Variants in TM2D1 observed in about 807,000 individuals in gnomAD.
TM2D1 encodes the protein TM2 domain containing 1.
In TM2D1, 15 loss-of-function variants were observed where a neutral mutation model predicts 28.4. That is an observed-to-expected ratio of 0.53 (90% CI 0.35 to 0.81). TM2D1 has a LOEUF of 0.81. Among genes scored for constraint, TM2D1 ranks in the 40% least tolerant of loss-of-function variants. TM2D1 has a pLI of 0.01. For synonymous variants in TM2D1, 93 were observed against 96.2 expected (o/e 0.97, Z 0.20); for missense variants, 236 against 254.9 (o/e 0.93, Z 0.50).
In TM2D1 at chr1:61,710,139, T is replaced by C. The variant is rs78777079; in HGVS notation, c.239-702A>G. Among the ~76,000 whole-genome samples the C allele has an allele frequency of 3.9e-3, 596 of 152,158 alleles. 2 individuals are homozygous for C. Among genetic ancestry groups the C allele is most frequent in the African/African-American group, 0.014 (568 of 41,518 alleles). ...TCCTTTCAGAACCTTCGATTCTTTG[T>C]AGGTAAAAATAGTACCAAAGGGCCA... is the stretch of plus-strand genomic sequence containing the variant. On this transcript the variant is annotated intron_variant, in intron 2 of 6. Transcript: ENST00000606498.
intron 3 of TM2D1, among the ~76,000 whole-genome samples, chr1:61,706,472 A>G (rs1644441295): frequency 6.6e-6 from 1 of 150,798 alleles, no homozygotes; most frequent in Non-Finnish European, 1.5e-5. Context: ...TGCTGGGATT[A>G]CAGGTGTGAG....
intron 2 of TM2D1, among the ~76,000 whole-genome samples, chr1:61,723,290 T>G (rs548844233): frequency 1.3e-5 from 2 of 152,216 alleles, no homozygotes; most frequent in Non-Finnish European, 2.9e-5. Context: ...AAAGGACTTG[T>G]AGGTATTATG....
In TM2D1 at chr1:61,725,140, TC is replaced by T; in HGVS notation, c.-21del. The T allele has an allele frequency of 6.2e-7, 1 of 1,613,194 alleles. No homozygotes were observed. The highest frequency in any genetic ancestry group is 8.5e-7 in the Non-Finnish European group (1 of 1,179,720). ...CGCCATCTTGGAGACCGACACTTTC[TC>T]GCCACTTCCGCTTCCGCCTCCGCCC... On this transcript the variant is annotated 5_prime_UTR_variant, in exon 1 of 7. Coordinates refer to ENST00000606498, the MANE Select transcript of TM2D1 (RefSeq NM_032027.3).
At chr1:61,695,247 A>C (rs1470322272) in intron 4 of TM2D1, among the ~76,000 whole-genome samples, 2 of 152,100 alleles carry the variant, frequency 1.3e-5, no homozygotes, top group South Asian at 2.1e-4. Context: ...AAATTGCAAA[A>C]TTTTATTAGC....
chr1:61,723,397 T>C (rs1004914237), intron 2 of TM2D1, among the ~76,000 whole-genome samples: 11 of 152,206 alleles, frequency 7.2e-5, no homozygotes, highest in African/African-American at 2.4e-4. Flanking sequence ...GGGAATGATA[T>C]GCTTATTAAT....
At chr1:61,686,662 C>G (rs769786698) in intron 5 of TM2D1, 61 of 408,516 alleles carry the variant, frequency 1.5e-4, no homozygotes, top group Middle Eastern at 1.2e-3. Flanking sequence ...GAGGCTCTAT[C>G]TCAAAGAAAA....
chr1:61,708,949 C>T (rs1644458631), intron 3 of TM2D1, among the ~76,000 whole-genome samples: 1 of 151,864 alleles, frequency 6.6e-6, no homozygotes, highest in Admixed American at 6.6e-5. Context: ...AGAATCATGT[C>T]AGGCCAGGAG....
In TM2D1 at chr1:61,685,825, A is replaced by G. The variant is rs145943527; in HGVS notation, c.514-2279T>C. Among the ~76,000 whole-genome samples, 499 of 152,304 alleles carry G rather than the reference A, an allele frequency of 3.3e-3. 1 individual carries two copies. The highest frequency in any genetic ancestry group is 5.5e-3 in the Admixed American group (84 of 15,282). ...TTGAGACCAGCATGGGCAAAAAAGC[A>G]AGAACTTTGCCTCTACCAAAAAAAA... is the stretch of plus-strand genomic sequence containing the variant. On this transcript the variant is annotated intron_variant, in intron 5 of 6. Transcript: ENST00000606498.
chr1:61,708,989 G>C (rs1186599206), intron 3 of TM2D1, among the ~76,000 whole-genome samples: 2 of 151,986 alleles, frequency 1.3e-5, no homozygotes, highest in African/African-American at 4.8e-5. Context: ...AACATAGAGA[G>C]ATCTCATCTC....
At chr1:61,694,168 G>A (rs1409512847) in intron 5 of TM2D1, 1 of 151,880 alleles carries the variant, frequency 6.6e-6, no homozygotes, top group Non-Finnish European at 1.5e-5. Flanking sequence ...TAAGCTAGCT[G>A]GATTTCAGTT....
intron 2 of TM2D1, among the ~76,000 whole-genome samples, chr1:61,713,542 G>T (rs1029058728): frequency 3.3e-5 from 5 of 149,388 alleles, no homozygotes; most frequent in Non-Finnish European, 7.4e-5. Flanking sequence ...ATAAACACAG[G>T]TTTTTTTTCT....
At chr1:61,722,801 AG>A (rs1644578152) in intron 2 of TM2D1, among the ~76,000 whole-genome samples, 2 of 152,328 alleles carry the variant, frequency 1.3e-5, no homozygotes, top group Admixed American at 1.3e-4. Flanking sequence ...CATAAAGAAG[AG>A]TTAGTTCTCA....
At chr1:61,697,736 C>T (rs1644374181) in intron 4 of TM2D1, 1 of 152,188 alleles carries the variant, frequency 6.6e-6, no homozygotes, top group African/African-American at 2.4e-5. Flanking sequence ...CTTGTCTCTC[C>T]TTGCCCCCGT....
chr1:61,683,218 CAA>C, intron 6 of TM2D1, 197 bp downstream of exon 6: 1 of 247,992 alleles, frequency 4.0e-6, no homozygotes, highest in Non-Finnish European at 7.6e-6. Context: ...ATATGCACTG[CAA>C]AGAGTCTGAA....
In TM2D1 at chr1:61,714,886, C is replaced by A. The variant is rs1644505453; in HGVS notation, c.239-5449G>T. Among the ~76,000 whole-genome samples, 5 of 152,108 alleles carry A rather than the reference C, an allele frequency of 3.3e-5. No homozygotes were observed. The South Asian group carries it at 1.0e-3, about 32-fold the overall frequency. ...CTAGATAGTACCAATTGTCCAAAAT[C>A]TCATATTTTGAGAGTTTTAGTTTTC... is the stretch of plus-strand genomic sequence containing the variant. On this transcript the variant is annotated intron_variant, in intron 2 of 6. Transcript: ENST00000606498.
At chr1:61,698,923 T>C (rs557893818) in intron 4 of TM2D1, 18 of 152,252 alleles carry the variant, frequency 1.2e-4, no homozygotes, top group South Asian at 6.2e-4. Context: ...ACTACTTTCA[T>C]TGCAGTCAAC....
chr1:61,699,739 T>G (rs1644388705), intron 4 of TM2D1: 1 of 152,732 alleles, frequency 6.5e-6, no homozygotes, highest in Non-Finnish European at 1.5e-5. Flanking sequence ...TAAATTGGCC[T>G]ACTAACATAT....
intron 5 of TM2D1, among the ~76,000 whole-genome samples, chr1:61,691,935 A>ATATATATATATATATATG (rs1644329888): frequency 4.0e-5 from 3 of 75,752 alleles, no homozygotes; most frequent in African/African-American, 7.6e-5. Flanking sequence ...AAAAAAAAAT[A>ATATATATATATATATATG]TATATATATA....
intron 3 of TM2D1, among the ~76,000 whole-genome samples, chr1:61,701,506 A>C (rs1644401255): frequency 6.6e-6 from 1 of 151,194 alleles, no homozygotes; most frequent in South Asian, 2.1e-4. Flanking sequence ...CAGAACTATC[A>C]TTTTGAAGTC....
Sources: allele counts gnomAD v4.1 joint callset (sites outside exome capture counted in the v4.1 genomes callset), GRCh38; gene constraint gnomAD v4.1.1; transcripts MANE v1.5; gene names NCBI Gene and HGNC (gene_info 2026-07-23, HGNC 2026-07-21).